ANK3: variants seen among roughly 807,000 people sequenced by gnomAD.
ANK3 encodes ankyrin-3.
Under a neutral mutation model 370.9 loss-of-function variants are expected in ANK3, and 57 were observed. The ratio of observed to expected loss-of-function variants is 0.15; its 90% CI spans 0.12 to 0.19. ANK3 has a LOEUF of 0.19. ANK3 is among the 10% of genes least tolerant of loss of function. ANK3 has a pLI of 1.00. For synonymous variants in ANK3, 1,929 were observed against 1,946.3 expected (o/e 0.99, Z 0.23); for missense variants, 4,439 against 5,302.1 (o/e 0.84, Z 5.06).
At chr10:60,479,068 ATTTAT>A (rs1363990878) in intron 2 of ANK3, among the ~76,000 whole-genome samples, 1 of 152,062 alleles carries the variant, frequency 6.6e-6, no homozygotes, top group East Asian at 1.9e-4. Flanking sequence ...CTCTTCTAAG[ATTTAT>A]TTTATTTACC....
In ANK3 at chr10:60,520,777, T is replaced by G. The variant is rs192906972; in HGVS notation, c.96+94409A>C. On this transcript the variant is annotated intron_variant, in intron 2 of 43. Coordinates refer to the ANK3 transcript ENST00000373827. ...ATTGGCAAACAGAAATTATTTGTCC[T>G]TCTAAAAACTGTTTGACATGATTCC... Among the ~76,000 whole-genome samples the G allele has an allele frequency of 1.9e-3, 294 of 152,300 alleles. 2 individuals carry two copies. Among genetic ancestry groups the G allele is most frequent in the African/African-American group, 6.4e-3 (266 of 41,586 alleles).
At chr10:60,266,280 A>G (rs1258584506) in intron 5 of ANK3, among the ~76,000 whole-genome samples, 1 of 152,226 alleles carries the variant, frequency 6.6e-6, no homozygotes, top group Non-Finnish European at 1.5e-5. Flanking sequence ...AAAGGTACAT[A>G]CATGTATCTA....
At chr10:60,395,560 C>CTTTCTTTCTTTTCTTTCTTTCTTTCT (rs1555367087) in intron 2 of ANK3, among the ~76,000 whole-genome samples, 11 of 90,848 alleles carry the variant, frequency 1.2e-4, no homozygotes, top group African/African-American at 4.4e-4. Context: ...CTCTTTCTTT[C>CTTTCTTTCTTTTCTTTCTTTCTTTCT]TTTCTTTCTT....
chr10:60,499,010 T>C (rs2075729392), intron 2 of ANK3, among the ~76,000 whole-genome samples: 1 of 152,256 alleles, frequency 6.6e-6, no homozygotes, highest in African/African-American at 2.4e-5. Context: ...TTAATCACAA[T>C]TTTGTAAAGT....
rs886823647 is a variant in ANK3 at position 60,263,517 on chromosome 10, G to A, written c.699+318C>T. ...TGTCTTCAGTATTTTGTAATTTTTC[G>A]CCCTGATGTTTGAGCTGAACTGTTG... On this transcript the variant is annotated intron_variant, in intron 6 of 43. Coordinates refer to ENST00000280772, the MANE Select transcript of ANK3 (RefSeq NM_020987.5). 1.2e-4 allele frequency among the ~76,000 whole-genome samples: 19 copies of A among 152,048 alleles called. 1 individual carries two copies. Among genetic ancestry groups the A allele is most frequent in the East Asian group, 9.6e-4 (5 of 5,186 alleles).
At chr10:60,306,391 T>A (rs2045092927) in intron 1 of ANK3, among the ~76,000 whole-genome samples, 1 of 151,654 alleles carries the variant, frequency 6.6e-6, no homozygotes, top group Non-Finnish European at 1.5e-5. Flanking sequence ...TCATTTCACT[T>A]CTTTTTATGG....
intron 2 of ANK3, among the ~76,000 whole-genome samples, chr10:60,472,403 G>A (rs1451100545): frequency 6.6e-6 from 1 of 152,126 alleles, no homozygotes; most frequent in Non-Finnish European, 1.5e-5. Context: ...AAACACTGTA[G>A]TGCTAAATAA....
At chr10:60,625,189 C>T (rs765887332) in intron 1 of ANK3, among the ~76,000 whole-genome samples, 2 of 152,086 alleles carry the variant, frequency 1.3e-5, no homozygotes, top group Non-Finnish European at 2.9e-5. Context: ...ACAAGGGGAA[C>T]ACCGAGGCAC....
At position 60,075,228 on chromosome 10, in the gene ANK3, A is replaced by G; in HGVS notation, c.5653T>C (p.Ser1885Pro). The change falls in exon 37 of 44, where the codon TCT (serine) becomes CCT (proline). Residue 1885 changes from serine to proline, a missense_variant. By Grantham distance (74) the Ser-to-Pro change is moderately conservative (BLOSUM62 -1). This residue lies in a region of ANK3 where 679 missense variants were observed against 791.0 expected (regional missense o/e 0.86). Transcript: ENST00000280772. ...GATGGTGTAGACAACTTAAGGGCAG[A>G]GGGTGCAAGGAACAAAGATGACTTA... ...PVKSSLFLAP[S>P]ALKLSTPSSL... 1 of 1,614,168 alleles carries G rather than the reference A, an allele frequency of 6.2e-7. No individual in the cohort carries two copies.
intron 17 of ANK3, 121 bp from the exon 18 acceptor site, chr10:60,181,548 A>T: frequency 1.1e-6 from 1 of 931,060 alleles, no homozygotes; most frequent in Non-Finnish European, 1.7e-6. Flanking sequence ...GTTAGAAAAA[A>T]CCTATGGAAT....
chr10:60,196,035 T>C (rs2096580850), intron 16 of ANK3, 110 bp downstream of exon 16: 1 of 871,858 alleles, frequency 1.1e-6, no homozygotes, highest in South Asian at 1.7e-5. Flanking sequence ...TGTGATTTTT[T>C]AGTGGTGCCT....
chr10:60,033,939 C>G (rs754509337), intron 43 of ANK3, among the ~76,000 whole-genome samples: 11 of 152,080 alleles, frequency 7.2e-5, no homozygotes, highest in Non-Finnish European at 1.3e-4. Flanking sequence ...GGGCCAGCAT[C>G]AAAAATTTTT....
Position 60,075,940 on chromosome 10 carries a change from G to A in ANK3, c.4941C>T (p.Pro1647=), listed in dbSNP as rs971242474. The change falls in exon 37 of 44, where the codon CCC becomes CCT. Residue 1647 remains proline, a synonymous_variant. Coordinates refer to ENST00000280772, the MANE Select transcript of ANK3 (RefSeq NM_020987.5). ...AGGAATACATATTAATGTTTGATTT[G>A]GGGGAGGCAGGGGGTGTCATAGTAA... ...SSITMTPPAS[P]KSNINMYSSS... 5 of 1,613,966 alleles carry A rather than the reference G, an allele frequency of 3.1e-6. No homozygotes were observed. Among genetic ancestry groups the A allele is most frequent in the African/African-American group, 2.7e-5 (2 of 74,932 alleles).
In ANK3 at chr10:60,109,061, G is replaced by T; in HGVS notation, c.2949-7C>A. ...CATAAAGCTAACCAGAAACCTGAGGGGAGAAGATCAGAGGCCAATTCAAGG... is the reference window on the plus strand; with the variant it reads ...CATAAAGCTAACCAGAAACCTGAGGTGAGAAGATCAGAGGCCAATTCAAGG... On this transcript the variant is annotated splice_polypyrimidine_tract_variant and splice_region_variant and intron_variant, in intron 26 of 43. Transcript: ENST00000280772. 4.3e-6 allele frequency: 7 copies of T among 1,610,264 alleles called. No individual in the cohort carries two copies. The highest frequency in any genetic ancestry group is 5.9e-6 in the Non-Finnish European group (7 of 1,177,908).
intron 2 of ANK3, among the ~76,000 whole-genome samples, chr10:60,414,063 G>A (rs1446099210): frequency 6.6e-6 from 1 of 152,160 alleles, no homozygotes; most frequent in East Asian, 1.9e-4. Flanking sequence ...TTGAACATAA[G>A]AGGAAATATT....
chr10:60,042,532 G>T, intron 43 of ANK3, 140 bp downstream of exon 43: 1 of 866,328 alleles, frequency 1.2e-6, no homozygotes, highest in Non-Finnish European at 1.8e-6. Context: ...AACAGAACTT[G>T]AACAACTTCG....
At chr10:60,348,342 C>T (rs2056093566) in intron 1 of ANK3, among the ~76,000 whole-genome samples, 1 of 83,272 alleles carries the variant, frequency 1.2e-5, no homozygotes, top group South Asian at 5.7e-4. Context: ...AACCCTATCA[C>T]TAGCCAAAAA....
At chr10:60,661,312 G>T (rs970120638) in intron 1 of ANK3, among the ~76,000 whole-genome samples, 3 of 151,896 alleles carry the variant, frequency 2.0e-5, no homozygotes, top group African/African-American at 7.3e-5. Context: ...TAAAACTAAA[G>T]AAATTGTTTC....
In ANK3 at chr10:60,076,376, G is replaced by C. The variant is rs772398274; in HGVS notation, c.4505C>G (p.Pro1502Arg). ...YSYKPFFSTR[P>R]YQSWTTAPIT... ...CGGAGCTGTTGTCCAGGACTGGTATGGTCTTGTAGAAAAGAATGGCTTGTA... is the reference window on the plus strand; with the variant it reads ...CGGAGCTGTTGTCCAGGACTGGTATCGTCTTGTAGAAAAGAATGGCTTGTA... Residue 1502 changes from proline (P) to arginine (R), a missense_variant, in exon 37 of 44, where the codon CCA (proline) becomes CGA (arginine). Coordinates refer to ENST00000280772, the MANE Select transcript of ANK3 (RefSeq NM_020987.5). 1.2e-6 allele frequency: 2 copies of C among 1,613,846 alleles called. No individual in the cohort carries two copies. The highest frequency in any genetic ancestry group is 1.7e-5 in the Admixed American group (1 of 59,992).
Sources: allele counts gnomAD v4.1 joint callset (sites outside exome capture counted in the v4.1 genomes callset), GRCh38; gene constraint gnomAD v4.1.1; regional missense constraint gnomAD v4.1.1; transcripts MANE v1.5; gene names NCBI Gene and HGNC (gene_info 2026-07-23, HGNC 2026-07-21).